Variants in REDIC1 observed in about 807,000 individuals in gnomAD.
REDIC1 encodes the protein HEI10 Interacting Protein 1.
the REDIC1 span, among the ~76,000 whole-genome samples, chr12:39,889,977 A>G: frequency 6.6e-6 from 1 of 152,178 alleles, no homozygotes; most frequent in African/African-American, 2.4e-5. Flanking sequence ...GGCCAATAAT[A>G]TTTTACACTT....
At chr12:39,849,066 T>C in the REDIC1 span, among the ~76,000 whole-genome samples, 2 of 152,034 alleles carry the variant, frequency 1.3e-5, no homozygotes, top group African/African-American at 2.4e-5. Context: ...AAGATAACTA[T>C]TGGGTACTGA....
chr12:39,783,200 T>A, the REDIC1 span, among the ~76,000 whole-genome samples: 2 of 152,220 alleles, frequency 1.3e-5, no homozygotes, highest in Non-Finnish European at 2.9e-5. Context: ...GGACATGAAC[T>A]CATCCTTTTT....
At chr12:39,813,293 C>T in the REDIC1 span, among the ~76,000 whole-genome samples, 4 of 151,866 alleles carry the variant, frequency 2.6e-5, no homozygotes, top group African/African-American at 7.3e-5. Context: ...TTTTGACATA[C>T]ATCAAAATTT....
chr12:39,641,182 C>T, the REDIC1 span, among the ~76,000 whole-genome samples: 1 of 151,752 alleles, frequency 6.6e-6, no homozygotes, highest in East Asian at 1.9e-4. Context: ...ATTGTTGATT[C>T]CTGCTGTCCT....
At chr12:39,838,571 T>C in the REDIC1 span, among the ~76,000 whole-genome samples, 2 of 150,666 alleles carry the variant, frequency 1.3e-5, no homozygotes, top group African/African-American at 2.4e-5. Context: ...TAAGTATTCA[T>C]ATATTTAGAA....
chr12:39,711,728 CATGTGTGT>C, the REDIC1 span, among the ~76,000 whole-genome samples: 1 of 11,160 alleles, frequency 9.0e-5, no homozygotes, highest in East Asian at 1.8e-3. Context: ...TATGCACATG[CATGTGTGT>C]ATGTGTGTAT....
chr12:39,706,262 G>T, the REDIC1 span, among the ~76,000 whole-genome samples: 1 of 151,906 alleles, frequency 6.6e-6, no homozygotes, highest in African/African-American at 2.4e-5. Flanking sequence ...GGAAGTGAAA[G>T]AGCTCAATAA....
the REDIC1 span, among the ~76,000 whole-genome samples, chr12:39,767,105 T>C: frequency 6.6e-6 from 1 of 152,060 alleles, no homozygotes; most frequent in Non-Finnish European, 1.5e-5. Context: ...GAAATCACTA[T>C]CTATGGCAGC....
chr12:39,657,238 A>T, the REDIC1 span, among the ~76,000 whole-genome samples: 1 of 152,146 alleles, frequency 6.6e-6, no homozygotes, highest in Non-Finnish European at 1.5e-5. Context: ...TCATTGTGTT[A>T]CACTTGCCTA....
chr12:39,650,623 G>T, the REDIC1 span, among the ~76,000 whole-genome samples: 3 of 152,120 alleles, frequency 2.0e-5, no homozygotes, highest in African/African-American at 7.2e-5. This position sits in a 1 kb window ranked among gnomAD's most constrained non-coding sequence, Gnocchi z 4.3. Flanking sequence ...AGGCTGGAGT[G>T]CAGTGGTACA....
At chr12:39,681,762 G>T in the REDIC1 span, among the ~76,000 whole-genome samples, 1 of 152,030 alleles carries the variant, frequency 6.6e-6, no homozygotes, top group Non-Finnish European at 1.5e-5. Flanking sequence ...GCCAATATAT[G>T]GCCTAGTACC....
the REDIC1 span, among the ~76,000 whole-genome samples, chr12:39,726,505 A>G: frequency 6.6e-6 from 1 of 152,076 alleles, no homozygotes; most frequent in Admixed American, 6.5e-5. Flanking sequence ...TCCTCTTTTT[A>G]TGGCTGCATA....
the REDIC1 span, among the ~76,000 whole-genome samples, chr12:39,678,313 AC>A: frequency 1.3e-4 from 20 of 152,254 alleles, no homozygotes; most frequent in Non-Finnish European, 2.6e-4. Context: ...GAACACCTTT[AC>A]ACATACAAAT....
chr12:39,839,323 C>G, the REDIC1 span, among the ~76,000 whole-genome samples: 1 of 152,086 alleles, frequency 6.6e-6, no homozygotes, highest in Middle Eastern at 3.4e-3. Context: ...CGGTTGATTT[C>G]CTCTCCCTGT....
chr12:39,750,361 T>C, the REDIC1 span, among the ~76,000 whole-genome samples: 20,365 of 152,116 alleles, frequency 0.13, 1,644 homozygotes, highest in East Asian at 0.39. Flanking sequence ...TTACAAGGGA[T>C]GTGAAGGACC....
At chr12:39,872,857 C>T in the REDIC1 span, among the ~76,000 whole-genome samples, 1 of 152,082 alleles carries the variant, frequency 6.6e-6, no homozygotes, top group Non-Finnish European at 1.5e-5. Flanking sequence ...ATGGCTTTGC[C>T]CAGCTTTTCA....
the REDIC1 span, chr12:39,692,208 C>T: frequency 8.7e-7 from 1 of 1,146,932 alleles, no homozygotes; most frequent in East Asian, 3.0e-5. Flanking sequence ...AGATGTTTGC[C>T]AACAAATATA....
At chr12:39,750,563 T>A in the REDIC1 span, among the ~76,000 whole-genome samples, 28 of 152,140 alleles carry the variant, frequency 1.8e-4, no homozygotes, top group African/African-American at 6.8e-4. Context: ...AAAAACTACT[T>A]TAAAGTTCAT....
the REDIC1 span, among the ~76,000 whole-genome samples, chr12:39,899,793 G>A: frequency 6.6e-6 from 1 of 152,096 alleles, no homozygotes; most frequent in Admixed American, 6.6e-5. Context: ...GAGCAGTTTT[G>A]AGTGAGTTTC....
Sources: gnomAD v4.1 joint callset for allele counts (sites outside exome capture counted in the v4.1 genomes callset) on GRCh38, gnomAD v4.1.1 for gene constraint, Gnocchi (gnomAD v3.1) non-coding constraint, MANE v1.5 for transcripts, NCBI Gene and HGNC (gene_info 2026-07-23, HGNC 2026-07-21) for gene names.